KIDINS220: variants seen among roughly 807,000 people sequenced by gnomAD.
KIDINS220 encodes kinase D interacting substrate 220.
Under a neutral mutation model 157.6 loss-of-function variants are expected in KIDINS220, and 63 were observed. That is an observed-to-expected ratio of 0.40 (90% CI 0.33 to 0.49). KIDINS220 has a LOEUF of 0.49. KIDINS220 is among the 20% of genes least tolerant of loss of function. KIDINS220 has a pLI of 0.66. For missense variants in KIDINS220, 1,772 were observed against 2,171.2 expected, an observed-to-expected ratio of 0.82 and a Z score of 3.65; for synonymous variants, 732 against 783.6, an observed-to-expected ratio of 0.93 and a Z score of 1.10.
At chr2:8,762,348 CTT>C (rs1430628792) in intron 22 of KIDINS220, among the ~76,000 whole-genome samples, 1 of 152,168 alleles carries the variant, frequency 6.6e-6, no homozygotes, top group Non-Finnish European at 1.5e-5. Context: ...CTTTGGAACA[CTT>C]AATATTTTTT....
chr2:8,785,788 T>C lies in KIDINS220; in HGVS notation c.2182A>G (p.Asn728Asp). Residue 728 changes from asparagine to aspartate, a missense_variant, in exon 17 of 30, where the codon AAT (asparagine) becomes GAT (aspartate). Asn to Asp is a conservative substitution (Grantham distance 23). Transcript: ENST00000256707. ...AATTTGTGCAGTTTGGAGGCTGCAT[T>C]ATGGAGGCGTTTTCTTTGGGAATTC... ...LLNSQRKRLH[N>D]AASKLHKLKS... 6.2e-7 allele frequency: 1 copy of C among 1,614,024 alleles called. No individual in the cohort carries two copies. Among genetic ancestry groups the C allele is most frequent in the South Asian group, 1.1e-5 (1 of 91,004 alleles).
chr2:8,738,620 T>C (rs1243847754), intron 26 of KIDINS220, among the ~76,000 whole-genome samples: 2 of 152,132 alleles, frequency 1.3e-5, no homozygotes. Flanking sequence ...CAAACCCAAA[T>C]TGAGGGACGT....
intron 17 of KIDINS220, among the ~76,000 whole-genome samples, chr2:8,782,985 G>A (rs143711112): frequency 6.6e-6 from 1 of 152,118 alleles, no homozygotes; most frequent in African/African-American, 2.4e-5. Flanking sequence ...ATCACCTGAG[G>A]TCAGGAGTTC....
intron 17 of KIDINS220, among the ~76,000 whole-genome samples, chr2:8,781,996 C>T (rs935933378): frequency 2.6e-5 from 4 of 151,830 alleles, no homozygotes; most frequent in African/African-American, 9.7e-5. Flanking sequence ...AGCCTGTGGT[C>T]CCAGCTACTC....
intron 22 of KIDINS220, chr2:8,757,361 A>AT (rs1668140177): frequency 9.4e-7 from 1 of 1,061,412 alleles, no homozygotes; most frequent in Non-Finnish European, 1.1e-6. Context: ...CTAAATATCT[A>AT]TTTTTTATAT....
At chr2:8,813,379 T>C (rs1572766280) in intron 4 of KIDINS220, 44 bp from the exon 5 acceptor site, 3 of 1,284,922 alleles carry the variant, frequency 2.3e-6, no homozygotes, top group Non-Finnish European at 2.2e-6. Flanking sequence ...CTTTAAATCA[T>C]CTCTGAGTAT....
At chr2:8,792,624 G>A (rs1397340114) in intron 12 of KIDINS220, among the ~76,000 whole-genome samples, 2 of 152,174 alleles carry the variant, frequency 1.3e-5, no homozygotes, top group East Asian at 3.8e-4. Flanking sequence ...GTAAGAGGCT[G>A]GAAATACCCA....
intron 2 of KIDINS220, among the ~76,000 whole-genome samples, chr2:8,826,230 A>C (rs1344986831): frequency 6.6e-6 from 1 of 152,234 alleles, no homozygotes; most frequent in Admixed American, 6.5e-5. Context: ...TAACCTATTT[A>C]ACTCTCTAAT....
intron 6 of KIDINS220, among the ~76,000 whole-genome samples, chr2:8,807,711 T>C (rs187102119): frequency 2.6e-5 from 4 of 152,032 alleles, no homozygotes; most frequent in Non-Finnish European, 5.9e-5. Context: ...ACAGACAGAA[T>C]CACAAGGTTG....
chr2:8,731,318 A>G lies in KIDINS220; in HGVS notation c.4718T>C (p.Leu1573Ser). 1.9e-6 allele frequency: 3 copies of G among 1,614,146 alleles called. No individual in the cohort carries two copies. The highest frequency in any genetic ancestry group is 2.5e-6 in the Non-Finnish European group (3 of 1,180,036). ...CTTTTTGTCAAGGAGCGCATCCGAT[A>G]AATACTCTTTGGCTTTAATGAAGGT... ...IRTFIKAKEY[L>S]SDALLDKKDS... The change falls in exon 30 of 30, where the codon TTA (leucine) becomes TCA (serine). Residue 1573 changes from leucine to serine, a missense_variant. By Grantham distance (145) the Leu-to-Ser change is moderately radical. Coordinates refer to ENST00000256707, the MANE Select transcript of KIDINS220 (RefSeq NM_020738.4). This position sits in a 1 kb window ranked among gnomAD's most constrained non-coding sequence, Gnocchi z 5.2.
chr2:8,798,383 CAGAA>C (rs1383150485), intron 9 of KIDINS220, 83 bp from the exon 10 acceptor site: 9 of 768,756 alleles, frequency 1.2e-5, no homozygotes, highest in African/African-American at 3.5e-5. Context: ...ACATTTCTGT[CAGAA>C]AGCATTCCAA....
chr2:8,814,675 T>C (rs532728245), intron 4 of KIDINS220, among the ~76,000 whole-genome samples: 234 of 152,342 alleles, frequency 1.5e-3, no homozygotes, highest in African/African-American at 5.4e-3. Context: ...GTGAAAGTTT[T>C]AGTCAGAATA....
At position 8,731,799 on chromosome 2, in the gene KIDINS220, G is replaced by A. The variant is rs1165177907; in HGVS notation, c.4237C>T (p.His1413Tyr). The A allele has an allele frequency of 1.2e-6, 2 of 1,614,116 alleles. No individual in the cohort carries two copies. Among genetic ancestry groups the A allele is most frequent in the Non-Finnish European group, 1.7e-6 (2 of 1,180,004 alleles). ...CTCTGACCCATGTAATATGTGCTAT[G>A]TGGAGAAGATCTGCCACTAATGGTT... ...STTISGRSSP[H>Y]STYYMGQSSS... The change falls in exon 30 of 30, where the codon CAT becomes TAT. Residue 1413 changes from histidine (H) to tyrosine (Y), a missense_variant. His to Tyr is a moderately conservative substitution (Grantham distance 83). Around this residue, in one of 3 missense-constraint regions of KIDINS220, gnomAD observed 793 missense variants for 885.5 expected, o/e 0.90. Coordinates refer to ENST00000256707, the MANE Select transcript of KIDINS220 (RefSeq NM_020738.4). The surrounding 1 kb of genome is among the most constrained non-coding windows in gnomAD (Gnocchi z 5.2).
At chr2:8,773,772 A>G (rs1489336326) in intron 21 of KIDINS220, among the ~76,000 whole-genome samples, 1 of 152,086 alleles carries the variant, frequency 6.6e-6, no homozygotes, top group Non-Finnish European at 1.5e-5. Context: ...GCGCCCAGCC[A>G]GTGGCTAGTT....
At chr2:8,813,881 G>A (rs1232892423) in intron 4 of KIDINS220, among the ~76,000 whole-genome samples, 2 of 152,022 alleles carry the variant, frequency 1.3e-5, no homozygotes, top group Non-Finnish European at 2.9e-5. Flanking sequence ...CCAAGATCGC[G>A]CCACTGCACT....
At chr2:8,774,815 G>T (rs1054386144) in intron 21 of KIDINS220, among the ~76,000 whole-genome samples, 1 of 152,188 alleles carries the variant, frequency 6.6e-6, no homozygotes, top group Non-Finnish European at 1.5e-5. Flanking sequence ...TCAGTGAAAT[G>T]AGGACACATT....
rs1674526737 is a variant in KIDINS220, at chr2:8,800,393, C to T, written c.900+7G>A. ...TAAGATAGCAACTGCACTGTAATCA[C>T]ACATACCTGTCCTCTAATGTCTATA... On this transcript the variant is annotated splice_region_variant and intron_variant, in intron 9 of 29. Transcript: ENST00000256707. The T allele has an allele frequency of 8.8e-6, 14 of 1,585,218 alleles. No homozygotes were observed. Among genetic ancestry groups the T allele is most frequent in the Non-Finnish European group, 1.2e-5 (14 of 1,158,612 alleles).
chr2:8,805,716 G>A (rs948269779), intron 7 of KIDINS220, among the ~76,000 whole-genome samples: 5 of 152,132 alleles, frequency 3.3e-5, no homozygotes, highest in African/African-American at 1.2e-4. Flanking sequence ...TATGACATAA[G>A]TTCCATAAGA....
rs776696126 is a variant in KIDINS220, at chr2:8,750,148, G to A, written c.3378C>T (p.Ser1126=). ...VSPQPHSSYY[S]GMTGPQHPFY... is the part of the protein sequence containing the mutation. ...AGGGATGCTGAGGGCCCGTCATGCC[G>A]CTGTAATAGCTGCTGTGAGGCTGTG... is the stretch of plus-strand genomic sequence containing the variant. Residue 1126 remains serine, a synonymous_variant, in exon 24 of 30, where the codon AGC becomes AGT. Transcript: ENST00000256707. 7.0e-5 allele frequency: 113 copies of A among 1,614,010 alleles called. No homozygotes were observed. In the Middle Eastern group the frequency reaches 1.2e-3, roughly 16 times the overall value.
Sources: gnomAD v4.1 joint callset for allele counts (sites outside exome capture counted in the v4.1 genomes callset) on GRCh38, gnomAD v4.1.1 for gene constraint, gnomAD v4.1.1 regional missense constraint, Gnocchi (gnomAD v3.1) non-coding constraint, MANE v1.5 for transcripts, NCBI Gene and HGNC (gene_info 2026-07-23, HGNC 2026-07-21) for gene names.